The following GPR158 variants were observed in gnomAD, a reference collection of about 807,000 sequenced individuals.
The protein encoded by GPR158 is G protein-coupled receptor 158, also known as metabotropic glycine receptor.
GPR158 carries 30 observed loss-of-function variants against 78.2 expected under a neutral mutation model. That is an observed-to-expected ratio of 0.38 (90% CI 0.29 to 0.52). The LOEUF is 0.52. Ranked by LOEUF, GPR158 falls within the 20% of genes least tolerant of loss-of-function variation. The pLI, the probability that GPR158 is intolerant of heterozygous loss-of-function variation, is 0.83. For missense variants in GPR158, 1,463 were observed against 1,523.5 expected (o/e 0.96, Z 0.66); for synonymous variants, 581 against 591.1 (o/e 0.98, Z 0.25).
intron 2 of GPR158, among the ~76,000 whole-genome samples, chr10:25,226,748 A>G (rs1853377458): frequency 6.6e-6 from 1 of 152,270 alleles, no homozygotes. Flanking sequence ...ATTTGTACCT[A>G]GAAACAGTAC....
At chr10:25,427,643 T>C (rs1270465186) in intron 4 of GPR158, among the ~76,000 whole-genome samples, 1 of 152,092 alleles carries the variant, frequency 6.6e-6, no homozygotes, top group Non-Finnish European at 1.5e-5. Flanking sequence ...CATGCTTTGC[T>C]CACATCACCA....
At chr10:25,560,794 G>A (rs1836850049) in intron 6 of GPR158, among the ~76,000 whole-genome samples, 1 of 152,254 alleles carries the variant, frequency 6.6e-6, no homozygotes, top group Admixed American at 6.5e-5. Flanking sequence ...TGCAAAAGTA[G>A]AGCAATTAGG....
rs913727625 is a variant in GPR158, at chr10:25,235,954, C to G, written c.1008+14797C>G. 3.9e-5 allele frequency among the ~76,000 whole-genome samples: 6 copies of G among 152,182 alleles called. No individual in the cohort carries two copies. The East Asian group carries it at 7.8e-4, about 20-fold the overall frequency. On this transcript the variant is annotated intron_variant, in intron 2 of 10. Coordinates refer to ENST00000376351, the MANE Select transcript of GPR158 (RefSeq NM_020752.3). ...CTTGTGATCTGCCCGCCTCAGCCCCCCAAAGTCCTGGGATTACAGGCGTGA... is the reference window on the plus strand; with the variant it reads ...CTTGTGATCTGCCCGCCTCAGCCCCGCAAAGTCCTGGGATTACAGGCGTGA...
At chr10:25,448,215 G>T (rs1164097220) in intron 4 of GPR158, among the ~76,000 whole-genome samples, 6 of 151,400 alleles carry the variant, frequency 4.0e-5, no homozygotes, top group African/African-American at 1.5e-4. Flanking sequence ...CTCCTGAGTA[G>T]CTGGGACTAC....
rs1350871284 is a variant in GPR158, at chr10:25,175,418, C to T, written c.-3C>T. 2 of 1,514,334 alleles carry T rather than the reference C, an allele frequency of 1.3e-6. No individual in the cohort carries two copies. Among genetic ancestry groups the T allele is most frequent in the Admixed American group, 4.3e-5 (2 of 46,410 alleles). The allele number at this position is 1,514,334 out of a possible 1,614,324, so 93.8% of individuals were successfully genotyped here. A position where few individuals can be genotyped will look rare whatever the true frequency, so the allele number is the denominator to read the frequency against. ...GTTCCCTCCTCTTCTCTCTGGGAGG[C>T]AGATGGGAGCCATGGCTTACCCCTT... On this transcript the variant is annotated 5_prime_UTR_variant, in exon 1 of 11. Coordinates refer to ENST00000376351, the MANE Select transcript of GPR158 (RefSeq NM_020752.3). This position sits in a 1 kb window ranked among gnomAD's most constrained non-coding sequence, Gnocchi z 6.4.
rs112105694 is a variant in GPR158, at chr10:25,209,433, G to T, written c.903-11619G>T. 5.5e-3 allele frequency among the ~76,000 whole-genome samples: 819 copies of T among 150,044 alleles called. 11 individuals carry two copies. The highest frequency in any genetic ancestry group is 0.02 in the African/African-American group (794 of 40,568). On this transcript the variant is annotated intron_variant, in intron 1 of 10. Transcript: ENST00000376351. ...CTCAATGCATTTTGAGTAAATGAAT[G>T]AGTAAATTGTATCTTTACTTCTGTT...
At chr10:25,398,813 G>A (rs535733994) in intron 3 of GPR158, among the ~76,000 whole-genome samples, 25 of 152,234 alleles carry the variant, frequency 1.6e-4, no homozygotes, top group African/African-American at 5.8e-4. Flanking sequence ...TTTGACCTCA[G>A]CACATACTTA....
chr10:25,542,654 C>A (rs1175624573), intron 5 of GPR158, among the ~76,000 whole-genome samples: 3 of 151,894 alleles, frequency 2.0e-5, no homozygotes, highest in Non-Finnish European at 4.4e-5. Context: ...GAAACCCCGT[C>A]TCTACTAAAA....
intron 2 of GPR158, among the ~76,000 whole-genome samples, chr10:25,243,289 A>G (rs1216318025): frequency 6.6e-6 from 1 of 152,114 alleles, no homozygotes; most frequent in East Asian, 1.9e-4. Flanking sequence ...AAGACCTAAC[A>G]CCTCACTGGT....
At chr10:25,218,363 C>T (rs901762685) in intron 1 of GPR158, among the ~76,000 whole-genome samples, 40 of 152,082 alleles carry the variant, frequency 2.6e-4, no homozygotes, top group Admixed American at 2.4e-3. Flanking sequence ...GAATGAAGGG[C>T]GAAAGCTTTC....
intron 5 of GPR158, among the ~76,000 whole-genome samples, chr10:25,514,706 G>A (rs527659510): frequency 1.2e-4 from 19 of 152,242 alleles, no homozygotes; most frequent in African/African-American, 4.3e-4. Flanking sequence ...TGTAGTGCTG[G>A]CTTGGTTGTG....
At position 25,260,508 on chromosome 10, in the gene GPR158, C is replaced by CT. The variant is rs879658572; in HGVS notation, c.1008+39362dup. ...AATATGAATTTTTACATATGTTAGG[C>CT]TTTTTTTTTTTAACTTTTCTTCCAA... On this transcript the variant is annotated intron_variant, in intron 2 of 10. Transcript: ENST00000376351. Among the ~76,000 whole-genome samples, 832 of 145,218 alleles carry CT rather than the reference C, an allele frequency of 5.7e-3. 5 individuals carry two copies. Among genetic ancestry groups the CT allele is most frequent in the African/African-American group, 0.016 (649 of 39,764 alleles).
At chr10:25,466,807 T>G (rs1361635) in intron 5 of GPR158, 88 bp downstream of exon 5, 29,006 of 170,104 alleles carry the variant, frequency 0.17, 2,575 homozygotes, top group African/African-American at 0.43. Context: ...CACACACACA[T>G]ACACACACCC....
intron 2 of GPR158, among the ~76,000 whole-genome samples, chr10:25,379,814 A>G (rs1302216458): frequency 6.6e-6 from 1 of 151,604 alleles, no homozygotes; most frequent in African/African-American, 2.4e-5. Flanking sequence ...CTGCATTCTC[A>G]GTCTTCCCCC....
At chr10:25,252,013 C>T (rs913139966) in intron 2 of GPR158, among the ~76,000 whole-genome samples, 86 of 151,032 alleles carry the variant, frequency 5.7e-4, no homozygotes, top group African/African-American at 2.0e-3. Flanking sequence ...TTGCTCATTT[C>T]TTTTTATTCT....
At chr10:25,214,790 A>G (rs1853183620) in intron 1 of GPR158, among the ~76,000 whole-genome samples, 1 of 152,008 alleles carries the variant, frequency 6.6e-6, no homozygotes, top group Non-Finnish European at 1.5e-5. Flanking sequence ...ATGTGAAGAC[A>G]CAAGGAGAAG....
At chr10:25,304,670 C>T (rs544938821) in intron 2 of GPR158, among the ~76,000 whole-genome samples, 13 of 152,110 alleles carry the variant, frequency 8.5e-5, no homozygotes, top group Admixed American at 4.6e-4. Flanking sequence ...ATTCTGCAAA[C>T]GATTTTCCAC....
At chr10:25,273,569 T>C (rs1854145196) in intron 2 of GPR158, among the ~76,000 whole-genome samples, 1 of 152,184 alleles carries the variant, frequency 6.6e-6, no homozygotes, top group South Asian at 2.1e-4. Context: ...GAAGTCTGGG[T>C]AGGCAGTCTA....
At chr10:25,292,413 G>A (rs888692111) in intron 2 of GPR158, among the ~76,000 whole-genome samples, 2 of 151,964 alleles carry the variant, frequency 1.3e-5, no homozygotes, top group African/African-American at 4.8e-5. Flanking sequence ...ACTTTGAATG[G>A]ATACTTTTTT....
Sources: allele counts gnomAD v4.1 joint callset (sites outside exome capture counted in the v4.1 genomes callset), GRCh38; gene constraint gnomAD v4.1.1; non-coding constraint Gnocchi (gnomAD v3.1); transcripts MANE v1.5; gene names NCBI Gene and HGNC (gene_info 2026-07-23, HGNC 2026-07-21).